EXOC5: variants seen among roughly 807,000 people sequenced by gnomAD.
The protein encoded by EXOC5 is exocyst complex component 5.
A neutral mutation model predicts 90.8 loss-of-function variants in EXOC5; 17 were observed. That is an observed-to-expected ratio of 0.19 (90% CI 0.13 to 0.28). The LOEUF (loss-of-function observed/expected upper bound fraction) is 0.28, where lower values mean the gene tolerates loss of function less well. Among genes scored for constraint, EXOC5 ranks in the 10% least tolerant of loss-of-function variants. The probability of loss-of-function intolerance (pLI) is 1.00; values close to 1 mark genes in which losing one functional copy is unlikely to be tolerated. For synonymous variants in EXOC5, 260 were observed against 270.0 expected (o/e 0.96, Z 0.36); for missense variants, 569 against 830.6 (o/e 0.69, Z 3.87).
chr14:57,241,133 C>T (rs1883845759), intron 4 of EXOC5, among the ~76,000 whole-genome samples: 1 of 152,162 alleles, frequency 6.6e-6, no homozygotes, highest in Non-Finnish European at 1.5e-5. Context: ...GGATTACAGG[C>T]TTGAGACACC....
Position 57,201,548 on chromosome 14 carries a change from T to C in EXOC5, c.*7061A>G, listed in dbSNP as rs1184424205. 8 of 130,008 alleles carry C rather than the reference T, an allele frequency of 6.2e-5. No homozygotes were observed. In the East Asian group the frequency reaches 1.7e-3, roughly 28 times the overall value. 8.1% of individuals were successfully genotyped at this position (130,008 alleles called of 1,614,324 possible). A position where few individuals can be genotyped will look rare whatever the true frequency, so the allele number is the denominator to read the frequency against. On this transcript the variant is annotated 3_prime_UTR_variant, in exon 18 of 18. Coordinates refer to ENST00000621441, the MANE Select transcript of EXOC5 (RefSeq NM_006544.4). ...TACACACACACCACACATATACATA[T>C]ATTTTTATATATATTAATATTATAT...
At chr14:57,241,666 T>C (rs978729621) in intron 4 of EXOC5, among the ~76,000 whole-genome samples, 1 of 152,202 alleles carries the variant, frequency 6.6e-6, no homozygotes, top group Admixed American at 6.5e-5. Flanking sequence ...ATATACAACA[T>C]TTAGTCAGTT....
rs1882523936 is a variant in EXOC5 at position 57,202,035 on chromosome 14, G to GA, written c.*6573dup. The stretch of plus-strand genomic sequence containing the variant: ...AAAGTGATAAAAATGAACATCATCA[G>GA]AAATGGGGCAAATTGAAATTGTGTA... On this transcript the variant is annotated 3_prime_UTR_variant, in exon 18 of 18. Transcript: ENST00000621441. 1 of 152,074 alleles carries GA rather than the reference G, an allele frequency of 6.6e-6. No individual in the cohort carries two copies. The highest frequency in any genetic ancestry group is 1.5e-5 in the Non-Finnish European group (1 of 68,014). 9.4% of individuals were successfully genotyped at this position (152,074 alleles called of 1,614,324 possible).
At chr14:57,236,348 C>T (rs562205229) in intron 6 of EXOC5, among the ~76,000 whole-genome samples, 21 of 149,238 alleles carry the variant, frequency 1.4e-4, no homozygotes, top group South Asian at 1.1e-3. Context: ...TGCAGTGGCG[C>T]GATCTCGGCT....
intron 12 of EXOC5, among the ~76,000 whole-genome samples, chr14:57,223,543 T>G (rs1386976163): frequency 1.3e-5 from 2 of 152,056 alleles, no homozygotes; most frequent in African/African-American, 2.4e-5. Context: ...GTCTCTCTAC[T>G]CCAATATTCA....
chr14:57,211,232 C>T (rs1476094705), intron 15 of EXOC5, among the ~76,000 whole-genome samples: 3 of 152,208 alleles, frequency 2.0e-5, no homozygotes, highest in Non-Finnish European at 2.9e-5. Context: ...ACTATTATCA[C>T]AATCACCTTG....
Position 57,217,965 on chromosome 14 carries a change from C to G in EXOC5, c.1613+17G>C. 7.2e-7 allele frequency: 1 copy of G among 1,383,476 alleles called. No homozygotes were observed. The highest frequency in any genetic ancestry group is 1.0e-6 in the Non-Finnish European group (1 of 977,016). 85.7% of individuals were successfully genotyped at this position (1,383,476 alleles called of 1,614,324 possible). On this transcript the variant is annotated intron_variant, in intron 15 of 17. Transcript: ENST00000621441. ...TTATAATTTAAAAAAATGCAAGAGA[C>G]AAAACCAACAACTTGCCTATCAATG...
At chr14:57,254,845 A>G (rs879648971) in intron 1 of EXOC5, among the ~76,000 whole-genome samples, 11 of 152,232 alleles carry the variant, frequency 7.2e-5, no homozygotes, top group Non-Finnish European at 1.5e-4. Flanking sequence ...AAGAGGCCTC[A>G]GCATGATAAC....
chr14:57,202,165 G>C lies in EXOC5; in HGVS notation c.*6444C>G, dbSNP rs572706350. 6.6e-6 allele frequency: 1 copy of C among 152,072 alleles called. No individual in the cohort carries two copies. The highest frequency in any genetic ancestry group is 1.9e-4 in the East Asian group (1 of 5,148). The allele number at this position is 152,072 out of a possible 1,614,324, so 9.4% of individuals were successfully genotyped here. A position where few individuals can be genotyped will look rare whatever the true frequency, so the allele number is the denominator to read the frequency against. ...GTGGAAACAGAAATCCAAATGTAGG[G>C]GTGTTTTACAAAGTAACTACCCTAT... On this transcript the variant is annotated 3_prime_UTR_variant, in exon 18 of 18. Coordinates refer to ENST00000621441, the MANE Select transcript of EXOC5 (RefSeq NM_006544.4).
At chr14:57,224,386 G>A (rs1415449689) in intron 12 of EXOC5, among the ~76,000 whole-genome samples, 1 of 152,044 alleles carries the variant, frequency 6.6e-6, no homozygotes, top group East Asian at 1.9e-4. Context: ...TTAGGAAAGT[G>A]GTGACATCAC....
chr14:57,266,735 G>GTATATATA (rs10550570), intron 1 of EXOC5, among the ~76,000 whole-genome samples: 1 of 146,474 alleles, frequency 6.8e-6, no homozygotes, highest in Non-Finnish European at 1.5e-5. Flanking sequence ...GTGTGTGTGT[G>GTATATATA]TATATATATA....
intron 1 of EXOC5, among the ~76,000 whole-genome samples, chr14:57,261,624 C>T (rs549806983): frequency 1.3e-5 from 2 of 152,300 alleles, no homozygotes; most frequent in South Asian, 2.1e-4. Context: ...CCTAAAATAA[C>T]AATAATCATA....
chr14:57,237,227 C>T, intron 6 of EXOC5, 111 bp downstream of exon 6: 1 of 689,614 alleles, frequency 1.5e-6, no homozygotes, highest in South Asian at 1.6e-5. Context: ...CAGTAGCCTA[C>T]TAGGGTAGGA....
At chr14:57,248,764 A>G (rs1005302830) in intron 1 of EXOC5, among the ~76,000 whole-genome samples, 6 of 152,130 alleles carry the variant, frequency 3.9e-5, no homozygotes, top group South Asian at 2.1e-4. Context: ...TTAAACCTTT[A>G]AAGATATAAA....
chr14:57,231,779 G>T (rs753073005), intron 10 of EXOC5, 64 bp from the exon 11 acceptor site: 28 of 1,130,480 alleles, frequency 2.5e-5, no homozygotes, highest in Non-Finnish European at 3.3e-5. Context: ...CAATATTAAG[G>T]AATACAAATT....
chr14:57,224,868 C>A (rs1883257564), intron 12 of EXOC5, among the ~76,000 whole-genome samples: 1 of 152,110 alleles, frequency 6.6e-6, no homozygotes, highest in Admixed American at 6.6e-5. Flanking sequence ...TCAAGACCAC[C>A]CTGGCCAACA....
At chr14:57,220,970 G>A (rs2139620456) in intron 13 of EXOC5, among the ~76,000 whole-genome samples, 1 of 152,158 alleles carries the variant, frequency 6.6e-6, no homozygotes, top group Middle Eastern at 3.4e-3. Flanking sequence ...CATTTAATAA[G>A]CATGTGTTAA....
intron 12 of EXOC5, among the ~76,000 whole-genome samples, chr14:57,229,454 A>C (rs1213712134): frequency 6.6e-6 from 1 of 152,172 alleles, no homozygotes; most frequent in Admixed American, 6.5e-5. Flanking sequence ...TCTGTACTGA[A>C]TATGTACTGT....
At chr14:57,239,332 A>G (rs1471713379) in intron 5 of EXOC5, among the ~76,000 whole-genome samples, 3 of 152,144 alleles carry the variant, frequency 2.0e-5, no homozygotes, top group African/African-American at 7.2e-5. Flanking sequence ...TCCTTCATCA[A>G]ATTTTTTTTC....
Sources: gnomAD v4.1 joint callset for allele counts (sites outside exome capture counted in the v4.1 genomes callset) on GRCh38, gnomAD v4.1.1 for gene constraint, MANE v1.5 for transcripts, NCBI Gene and HGNC (gene_info 2026-07-23, HGNC 2026-07-21) for gene names.